The following EHMT2 variants were observed in gnomAD, a reference collection of about 807,000 sequenced individuals.
The protein encoded by EHMT2 is euchromatic histone lysine methyltransferase 2.
Under a neutral mutation model 143.3 loss-of-function variants are expected in EHMT2, and 59 were observed. The ratio of observed to expected loss-of-function variants is 0.41; its 90% CI spans 0.33 to 0.51. EHMT2 has a LOEUF of 0.51. Among genes scored for constraint, EHMT2 ranks in the 20% least tolerant of loss-of-function variants. The pLI is 0.18. For synonymous variants in EHMT2, 604 were observed against 651.5 expected (o/e 0.93, Z 1.11); for missense variants, 1,174 against 1,645.9 (o/e 0.71, Z 4.96).
chr6:31,892,444 G>A (rs1765815220), exon 7 of EHMT2: 1 of 1,612,914 alleles, frequency 6.2e-7, no homozygotes, highest in Non-Finnish European at 8.5e-7. Flanking sequence ...CACAGAGTAG[G>A]AATCATAGTA....
chr6:31,887,870 G>A, exon 14 of EHMT2: 1 of 1,611,880 alleles, frequency 6.2e-7, no homozygotes, highest in Non-Finnish European at 8.5e-7. Flanking sequence ...CCCCCATTGG[G>A]CAGGGTCAGG....
At chr6:31,887,162 C>A in intron 15 of EHMT2, 61 bp from the exon 16 acceptor site, 1 of 1,407,908 alleles carries the variant, frequency 7.1e-7, no homozygotes, top group South Asian at 1.3e-5. Context: ...AGCTAGGGGG[C>A]AGGTGGCACT....
At position 31,888,500 on chromosome 6, in the gene EHMT2, C is replaced by G. The variant is rs1765204498; in HGVS notation, c.1372G>C (p.Gly458Arg). The change falls in exon 12 of 28, where the codon GGC becomes CGC. Residue 458 changes from glycine (G) to arginine (R), a missense_variant. By Grantham distance (125) the Gly-to-Arg change is moderately radical. Transcript: ENST00000375537. This position sits in a 1 kb window ranked among gnomAD's most constrained non-coding sequence, Gnocchi z 7.4. ...CGCTTGAGGATGGCGGCATTGCAGCCTGACAGCTGTGCGCAGTGAGGATGG... is the reference window on the plus strand; with the variant it reads ...CGCTTGAGGATGGCGGCATTGCAGCGTGACAGCTGTGCGCAGTGAGGATGG... 6.2e-7 allele frequency: 1 copy of G among 1,612,364 alleles called. No homozygotes were observed. The highest frequency in any genetic ancestry group is 8.5e-7 in the Non-Finnish European group (1 of 1,179,698).
At chr6:31,897,207 G>C (rs1766650004) in intron 1 of EHMT2, 1 of 1,250,138 alleles carries the variant, frequency 8.0e-7, no homozygotes. Context: ...CCGCATCTCT[G>C]GGGCCGAGAG....
rs565210864 is a variant in EHMT2 at position 31,885,260 on chromosome 6, G to A, written c.2344-244C>T. ...TGGGAGGCCGAGGCGGGCGGATCAC[G>A]AGGTCAGGAGATGGAGGCCATTGTG... On this transcript the variant is annotated intron_variant, in intron 18 of 27. Transcript: ENST00000375537. 4.8e-5 allele frequency: 21 copies of A among 437,188 alleles called. 1 individual carries two copies. In the South Asian group the frequency reaches 6.9e-4, roughly 14 times the overall value. 27.1% of individuals were successfully genotyped at this position (437,188 alleles called of 1,614,324 possible).
Position 31,883,961 on chromosome 6 carries a change from CGGG to C in EHMT2, c.2772-14_2772-12del. On this transcript the variant is annotated splice_polypyrimidine_tract_variant and intron_variant, in intron 21 of 27. Transcript: ENST00000375537. This position sits in a 1 kb window ranked among gnomAD's most constrained non-coding sequence, Gnocchi z 5.6. ...CCCCGAGCCACGTCCCTGCAGAAGACGGGAAGAAGGGGCTGGGAAGCTGGAAAA... is the reference window on the plus strand; with the variant it reads ...CCCCGAGCCACGTCCCTGCAGAAGACAAGAAGGGGCTGGGAAGCTGGAAAA... 6.2e-7 allele frequency: 1 copy of C among 1,611,984 alleles called. No individual in the cohort carries two copies. Among genetic ancestry groups the C allele is most frequent in the Non-Finnish European group, 8.5e-7 (1 of 1,178,808 alleles).
At chr6:31,886,454 G>A (rs923959553) in intron 18 of EHMT2, 127 bp downstream of exon 18, 3 of 702,184 alleles carry the variant, frequency 4.3e-6, no homozygotes, top group South Asian at 1.9e-5. Flanking sequence ...TGAGGAAGAA[G>A]AAAGCAATGA....
Position 31,884,447 on chromosome 6 carries a change from T to G in EHMT2, c.2716A>C (p.Lys906Gln), listed in dbSNP as rs1304370902. The G allele has an allele frequency of 6.2e-7, 1 of 1,612,894 alleles. No homozygotes were observed. Among genetic ancestry groups the G allele is most frequent in the Non-Finnish European group, 8.5e-7 (1 of 1,179,994 alleles). Reference sequence around the variant, plus strand: ...CGATTTCCCACCCCAAGTCGGAGCTTGCGGTTGAGTTGAAGCGCAAACCAC... The same window carrying G: ...CGATTTCCCACCCCAAGTCGGAGCTGGCGGTTGAGTTGAAGCGCAAACCAC... The change falls in exon 21 of 28, where the codon AAG (lysine) becomes CAG (glutamine). Residue 906 changes from lysine (K) to glutamine (Q), a missense_variant. Transcript: ENST00000375537. The surrounding 1 kb of genome is among the most constrained non-coding windows in gnomAD (Gnocchi z 7.3).
chr6:31,896,538 G>C, intron 3 of EHMT2, 22 bp from the exon 4 acceptor site: 1 of 1,610,754 alleles, frequency 6.2e-7, no homozygotes, highest in Non-Finnish European at 8.5e-7. Context: ...GCAAGCAAAA[G>C]GCAAGATAAG....
At position 31,889,273 on chromosome 6, in the gene EHMT2, G is replaced by T. The variant is rs958463865; in HGVS notation, c.1069C>A (p.Arg357=). ...GGAGGCTCCCGCTTGCGCCGTTTCC[G>T]AGACGGCTTCACCCATGGGCTGTCT... Residue 357 remains arginine (R), a synonymous_variant, in exon 9 of 28, where the codon CGG becomes AGG. Coordinates refer to ENST00000375537, the Ensembl canonical transcript of EHMT2. This position sits in a 1 kb window ranked among gnomAD's most constrained non-coding sequence, Gnocchi z 5.1. 1 of 1,612,106 alleles carries T rather than the reference G, an allele frequency of 6.2e-7. No homozygotes were observed. The highest frequency in any genetic ancestry group is 8.5e-7 in the Non-Finnish European group (1 of 1,179,906).
chr6:31,892,654 G>C (rs1765850729), intron 6 of EHMT2, 40 bp downstream of exon 6: 3 of 1,612,924 alleles, frequency 1.9e-6, no homozygotes, highest in Non-Finnish European at 2.5e-6. Context: ...CTCCCTCAGA[G>C]CAGCCCCCGA....
At chr6:31,887,714 T>C (rs1765063171) in intron 14 of EHMT2, 55 bp from the exon 15 acceptor site, 4 of 1,608,470 alleles carry the variant, frequency 2.5e-6, no homozygotes, top group Non-Finnish European at 3.4e-6. Flanking sequence ...GATTCCAGCA[T>C]CAGCCTCGAC....
In EHMT2 at chr6:31,883,875, A is replaced by C; in HGVS notation, c.2847T>G (p.Asp949Glu). 6.2e-7 allele frequency: 1 copy of C among 1,613,720 alleles called. No individual in the cohort carries two copies. Among genetic ancestry groups the C allele is most frequent in the South Asian group, 1.1e-5 (1 of 91,058 alleles). The change falls in exon 22 of 28, where the codon GAT becomes GAG. Residue 949 changes from aspartate (D) to glutamate (E), a missense_variant. By Grantham distance (45) the Asp-to-Glu change is conservative. This residue lies in a region of EHMT2 where 608 missense variants were observed against 903.7 expected (regional missense o/e 0.67). Transcript: ENST00000375537. This position sits in a 1 kb window ranked among gnomAD's most constrained non-coding sequence, Gnocchi z 5.6. ...CGCAGTTCTCTGAGATGTACTTGTA[A>C]TCCTCAGGGCAGGGCTCCCCATCCA...
At position 31,883,582 on chromosome 6, in the gene EHMT2, G is replaced by A. The variant is rs893769434; in HGVS notation, c.2917-143C>T. 11 of 999,880 alleles carry A rather than the reference G, an allele frequency of 1.1e-5. No individual in the cohort carries two copies. Among genetic ancestry groups the A allele is most frequent in the Middle Eastern group, 2.2e-4 (1 of 4,584 alleles). 61.9% of individuals were successfully genotyped at this position (999,880 alleles called of 1,614,324 possible). ...TGGGTGGTGATGGTCCTAGGGTGAC[G>A]GGTAATCAGTATGGTGGTGTCCCCA... is the stretch of plus-strand genomic sequence containing the variant. On this transcript the variant is annotated intron_variant, in intron 22 of 27. Coordinates refer to ENST00000375537, the Ensembl canonical transcript of EHMT2. This position sits in a 1 kb window ranked among gnomAD's most constrained non-coding sequence, Gnocchi z 5.6.
exon 3 of EHMT2, chr6:31,896,776 T>G: frequency 6.2e-7 from 1 of 1,613,022 alleles, no homozygotes; most frequent in Non-Finnish European, 8.5e-7. Flanking sequence ...GGGGGTGGCC[T>G]TGGGCAGGGT....
exon 28 of EHMT2, chr6:31,879,770 A>G: frequency 2.3e-6 from 1 of 430,374 alleles, no homozygotes; most frequent in Non-Finnish European, 4.2e-6. Flanking sequence ...TTATTACCAA[A>G]CCCAACATTT....
At chr6:31,886,719 C>T (rs1460560822) in intron 17 of EHMT2, 37 bp from the exon 18 acceptor site, 1 of 1,613,736 alleles carries the variant, frequency 6.2e-7, no homozygotes, top group Admixed American at 1.7e-5. Context: ...TTTGGGCTGG[C>T]ACCCCAAACC....
rs773116003 is a variant in EHMT2 at position 31,888,142 on chromosome 6, G to A, written c.1644C>T (p.Ile548=). Reference sequence around the variant, plus strand: ...GTGGGGTCACCCCGTCACCCCGGGGGATGGTCACCTCTTGAGCTTCAGAAG... The same window carrying A: ...GTGGGGTCACCCCGTCACCCCGGGGAATGGTCACCTCTTGAGCTTCAGAAG... Residue 548 remains isoleucine (I), a synonymous_variant, in exon 13 of 28, where the codon ATC becomes ATT. Transcript: ENST00000375537. The surrounding 1 kb of genome is among the most constrained non-coding windows in gnomAD (Gnocchi z 7.4). 6 of 1,612,568 alleles carry A rather than the reference G, an allele frequency of 3.7e-6. No individual in the cohort carries two copies. The highest frequency in any genetic ancestry group is 1.3e-5 in the African/African-American group (1 of 75,048).
chr6:31,887,716 A>G (rs1581916573), intron 14 of EHMT2, 57 bp from the exon 15 acceptor site: 1 of 1,608,296 alleles, frequency 6.2e-7, no homozygotes, highest in Non-Finnish European at 8.5e-7. Context: ...TTCCAGCATC[A>G]GCCTCGACAC....
Sources: allele counts gnomAD v4.1 joint callset, GRCh38; gene constraint gnomAD v4.1.1; regional missense constraint gnomAD v4.1.1; non-coding constraint Gnocchi (gnomAD v3.1); transcripts MANE v1.5; gene names NCBI Gene and HGNC (gene_info 2026-07-23, HGNC 2026-07-21).